Variants in PPA2 observed in about 807,000 individuals in gnomAD.
The protein encoded by PPA2 is inorganic pyrophosphatase 2, mitochondrial.
A neutral mutation model predicts 49.5 loss-of-function variants in PPA2; 48 were observed. The observed-to-expected ratio is 0.97, with a 90% confidence interval of 0.77 to 1.23. PPA2 has a LOEUF of 1.23. Among genes scored for constraint, PPA2 ranks in the 50% most tolerant of loss-of-function variants. The pLI, the probability that PPA2 is intolerant of heterozygous loss-of-function variation, is 0.00. For missense variants in PPA2, 429 were observed against 410.1 expected, an observed-to-expected ratio of 1.05 and a Z score of -0.40; for synonymous variants, 131 against 139.9, an observed-to-expected ratio of 0.94 and a Z score of 0.45.
At chr4:105,464,250 G>T (rs1338936156) in intron 1 of PPA2, among the ~76,000 whole-genome samples, 1 of 152,224 alleles carries the variant, frequency 6.6e-6, no homozygotes, top group Non-Finnish European at 1.5e-5. Flanking sequence ...TTTAATATTT[G>T]ACTGCTCTGC....
chr4:105,401,412 A>C (rs1722184278), intron 7 of PPA2, among the ~76,000 whole-genome samples: 1 of 152,106 alleles, frequency 6.6e-6, no homozygotes, highest in Non-Finnish European at 1.5e-5. Flanking sequence ...GTAAGTAAAG[A>C]TGTATTTTTT....
intron 1 of PPA2, among the ~76,000 whole-genome samples, chr4:105,472,657 T>G (rs1441540410): frequency 2.0e-5 from 3 of 152,182 alleles, no homozygotes; most frequent in Non-Finnish European, 4.4e-5. Flanking sequence ...ATATGTGGCA[T>G]AGGGTGAAAA....
intron 1 of PPA2, among the ~76,000 whole-genome samples, chr4:105,459,068 T>C (rs1722981267): frequency 6.6e-6 from 1 of 152,186 alleles, no homozygotes; most frequent in Non-Finnish European, 1.5e-5. Context: ...AGCAAATATC[T>C]GTTAGATAAA....
At position 105,474,012 on chromosome 4, in the gene PPA2, TG is replaced by T; in HGVS notation, c.38del (p.Pro13GlnfsTer43). The T allele has an allele frequency of 6.2e-7, 1 of 1,603,424 alleles. No individual in the cohort carries two copies. The highest frequency in any genetic ancestry group is 8.5e-7 in the Non-Finnish European group (1 of 1,175,600). On this transcript the variant is annotated frameshift_variant, in exon 1 of 12. Coordinates refer to ENST00000341695, the MANE Select transcript of PPA2 (RefSeq NM_176869.3). LOFTEE classifies it high-confidence loss of function. Reference sequence around the variant, plus strand: ...TCCCCAACCGCAGGCACGCAGCGGCTGGGGCACCCGTGCGCAGCAGCCGCAG... The same window carrying T: ...TCCCCAACCGCAGGCACGCAGCGGCTGGGCACCCGTGCGCAGCAGCCGCAG... ...ALLRLLRTGA[P>X]AAACLRLGTS... is the part of the protein sequence containing the mutation.
intron 7 of PPA2, among the ~76,000 whole-genome samples, chr4:105,421,224 C>T (rs1723238148): frequency 6.6e-6 from 1 of 152,066 alleles, no homozygotes; most frequent in African/African-American, 2.4e-5. Flanking sequence ...AATTTAAGTT[C>T]CTTGTCTTCC....
intron 7 of PPA2, among the ~76,000 whole-genome samples, chr4:105,401,031 C>T (rs1490608): frequency 0.37 from 56,821 of 151,938 alleles, 12,583 homozygotes; most frequent in East Asian, 0.68. Flanking sequence ...TTTAAAACCT[C>T]AATAGCAAAT....
chr4:105,380,760 A>C (rs778545953), intron 10 of PPA2, among the ~76,000 whole-genome samples: 1 of 152,102 alleles, frequency 6.6e-6, no homozygotes, highest in Non-Finnish European at 1.5e-5. Context: ...AAATATGTCT[A>C]TTGCTTTTAA....
intron 7 of PPA2, among the ~76,000 whole-genome samples, chr4:105,406,330 G>T (rs1295074574): frequency 6.6e-6 from 1 of 151,992 alleles, no homozygotes; most frequent in Non-Finnish European, 1.5e-5. Context: ...ATAAAAAGTA[G>T]TCCAAAATAT....
In PPA2 at chr4:105,449,410, T is replaced by A; in HGVS notation, c.268-7A>T. 6.4e-7 allele frequency: 1 copy of A among 1,553,576 alleles called. No homozygotes were observed. The highest frequency in any genetic ancestry group is 8.8e-7 in the Non-Finnish European group (1 of 1,139,630). On this transcript the variant is annotated splice_region_variant and splice_polypyrimidine_tract_variant and intron_variant, in intron 3 of 11. Transcript: ENST00000341695. The stretch of plus-strand genomic sequence containing the variant: ...CAATCATATTAAACAGATTCTGCAG[T>A]TAAAAACAAAACAAAGAGAGAACAT...
chr4:105,446,154 G>T, intron 5 of PPA2: 1 of 366,644 alleles, frequency 2.7e-6, no homozygotes, highest in African/African-American at 2.1e-5. Flanking sequence ...AATGTCAAAT[G>T]TGAACATTCC....
At chr4:105,473,782 G>T in intron 1 of PPA2, 112 bp downstream of exon 1, 2 of 1,448,536 alleles carry the variant, frequency 1.4e-6, no homozygotes, top group Non-Finnish European at 1.9e-6. Flanking sequence ...ACCGCTGAGG[G>T]CCCCAAAAAG....
intron 7 of PPA2, among the ~76,000 whole-genome samples, chr4:105,403,717 A>C (rs1343092212): frequency 2.0e-5 from 3 of 152,140 alleles, no homozygotes; most frequent in South Asian, 2.1e-4. Flanking sequence ...ATAATAACTT[A>C]ATGAAAACCT....
chr4:105,458,641 G>A (rs192696114), intron 1 of PPA2, among the ~76,000 whole-genome samples: 57 of 151,826 alleles, frequency 3.8e-4, no homozygotes, highest in Admixed American at 3.7e-3. Context: ...GACCAACATG[G>A]CAAAACCCCG....
chr4:105,439,355 CA>C (rs1195928107), intron 5 of PPA2, among the ~76,000 whole-genome samples: 2 of 152,130 alleles, frequency 1.3e-5, no homozygotes, highest in African/African-American at 2.4e-5. Flanking sequence ...CATTTATTTT[CA>C]AATATAACCC....
Position 105,372,634 on chromosome 4 carries a change from C to A in PPA2, c.940-1761G>T, listed in dbSNP as rs146691807. Among the ~76,000 whole-genome samples, 424 of 152,296 alleles carry A rather than the reference C, an allele frequency of 2.8e-3. 5 individuals carry two copies. The highest frequency in any genetic ancestry group is 9.9e-3 in the African/African-American group (410 of 41,562). On this transcript the variant is annotated intron_variant, in intron 10 of 11. Coordinates refer to ENST00000341695, the MANE Select transcript of PPA2 (RefSeq NM_176869.3). Reference sequence around the variant, plus strand: ...AAGCAAAAGGGAATTCTCCAGGAGACAGCCATCAGATTTCATCTGCTCAAC... The same window carrying A: ...AAGCAAAAGGGAATTCTCCAGGAGAAAGCCATCAGATTTCATCTGCTCAAC...
At chr4:105,395,933 TG>T (rs1418079861) in intron 9 of PPA2, among the ~76,000 whole-genome samples, 1 of 152,176 alleles carries the variant, frequency 6.6e-6, no homozygotes, top group Non-Finnish European at 1.5e-5. Context: ...AGAAATTATA[TG>T]GTAGTTATTA....
chr4:105,399,895 C>T (rs1011189613), intron 7 of PPA2, among the ~76,000 whole-genome samples: 1 of 152,256 alleles, frequency 6.6e-6, no homozygotes. Context: ...AAATTGCATA[C>T]CATTCTGAGT....
At chr4:105,435,409 G>T (rs999925360) in intron 6 of PPA2, among the ~76,000 whole-genome samples, 4 of 152,210 alleles carry the variant, frequency 2.6e-5, no homozygotes, top group Non-Finnish European at 4.4e-5. Context: ...CTTGAGAGAT[G>T]CTATGCAAGA....
intron 7 of PPA2, among the ~76,000 whole-genome samples, chr4:105,414,198 G>C (rs1217421438): frequency 6.6e-6 from 1 of 152,178 alleles, no homozygotes; most frequent in Non-Finnish European, 1.5e-5. Flanking sequence ...TATTTAGGAA[G>C]CATTTACTCT....
Sources: gnomAD v4.1 joint callset for allele counts (sites outside exome capture counted in the v4.1 genomes callset) on GRCh38, gnomAD v4.1.1 for gene constraint, MANE v1.5 for transcripts, NCBI Gene and HGNC (gene_info 2026-07-23, HGNC 2026-07-21) for gene names.